The following PFKFB1 variants were observed in gnomAD, a reference collection of about 807,000 sequenced individuals.
The protein encoded by PFKFB1 is 6-phosphofructo-2-kinase/fructose-2,6-biphosphatase 1.
PFKFB1 carries 34 observed loss-of-function variants against 46.4 expected under a neutral mutation model. The observed-to-expected ratio is 0.73, with a 90% CI of 0.56 to 0.98. The LOEUF is 0.98. Ranked by LOEUF, PFKFB1 falls within the 50% of genes least tolerant of loss-of-function variation. The pLI, the probability that PFKFB1 is intolerant of heterozygous loss-of-function variation, is 0.00. For synonymous variants in PFKFB1, 119 were observed against 133.8 expected, an observed-to-expected ratio of 0.89 and a Z score of 0.76; for missense variants, 393 against 376.3, an observed-to-expected ratio of 1.04 and a Z score of -0.37.
At chrX:54,990,028 G>A (rs908411223) in intron 1 of PFKFB1, among the ~76,000 whole-genome samples, 9 of 111,422 alleles carry the variant, frequency 8.1e-5, no homozygotes, top group Admixed American at 4.8e-4. Context: ...TATCAGCCCT[G>A]TTTAGTAGGC....
At chrX:54,969,154 C>T (rs2146650425) in intron 1 of PFKFB1, among the ~76,000 whole-genome samples, 1 of 111,605 alleles carries the variant, frequency 9.0e-6, no homozygotes, top group South Asian at 3.8e-4. Flanking sequence ...TGTGTTGGAA[C>T]TTAATCTCCA....
At chrX:54,992,534 A>G (rs1026251099) in intron 1 of PFKFB1, among the ~76,000 whole-genome samples, 1 of 112,257 alleles carries the variant, frequency 8.9e-6, no homozygotes, top group African/African-American at 3.2e-5. Flanking sequence ...ATTACTCCCA[A>G]TAACACTGGG....
At chrX:54,989,654 TG>T (rs1445631587) in intron 1 of PFKFB1, among the ~76,000 whole-genome samples, 1 of 112,202 alleles carries the variant, frequency 8.9e-6, no homozygotes, top group Non-Finnish European at 1.9e-5. Flanking sequence ...TTTACCAGAT[TG>T]TCCATAAGTT....
chrX:54,949,715 T>C (rs1308406749), intron 8 of PFKFB1, among the ~76,000 whole-genome samples: 1 of 112,213 alleles, frequency 8.9e-6, no homozygotes, highest in East Asian at 2.8e-4. Flanking sequence ...AGCAACCCCT[T>C]GGTCGTGTGA....
intron 10 of PFKFB1, among the ~76,000 whole-genome samples, chrX:54,940,393 G>T (rs1434507550): frequency 9.0e-6 from 1 of 111,682 alleles, no homozygotes; most frequent in African/African-American, 3.3e-5. Flanking sequence ...TCTGGCCAGG[G>T]CAGTCAGGCA....
At chrX:54,949,413 A>G (rs1933899352) in intron 8 of PFKFB1, among the ~76,000 whole-genome samples, 192 bp from the exon 9 acceptor site, 1 of 93,890 alleles carries the variant, frequency 1.1e-5, no homozygotes, top group Non-Finnish European at 2.0e-5. Flanking sequence ...AGGGAATAGA[A>G]AAGAGCATGA....
chrX:54,963,912 T>C (rs1934395221), intron 1 of PFKFB1, among the ~76,000 whole-genome samples: 1 of 111,869 alleles, frequency 8.9e-6, no homozygotes, highest in Non-Finnish European at 1.9e-5. Flanking sequence ...ATATTCTCTA[T>C]GGAGCAAAAG....
chrX:54,963,630 C>T (rs1934387399), intron 1 of PFKFB1, among the ~76,000 whole-genome samples: 1 of 112,362 alleles, frequency 8.9e-6, no homozygotes, highest in Non-Finnish European at 1.9e-5. Flanking sequence ...GGTGCAGATA[C>T]CACTGAACAA....
At chrX:54,944,868 T>A (rs1389549769) in intron 10 of PFKFB1, among the ~76,000 whole-genome samples, 1 of 112,486 alleles carries the variant, frequency 8.9e-6, no homozygotes, top group Non-Finnish European at 1.9e-5. Flanking sequence ...TCTTTTCTAA[T>A]AACTTTTCCC....
intron 1 of PFKFB1, among the ~76,000 whole-genome samples, chrX:54,989,858 A>C (rs968996012): frequency 8.9e-6 from 1 of 111,966 alleles, no homozygotes; most frequent in Non-Finnish European, 1.9e-5. Context: ...GCTAGATGAT[A>C]ATCAGTAGGT....
At position 54,958,480 on chromosome X, in the gene PFKFB1, A is replaced by G. The variant is rs919914004; in HGVS notation, c.460-118T>C. The stretch of plus-strand genomic sequence containing the variant: ...TCTCCAGGGGCATCTCTGACAACAT[A>G]ATGCTCTCATACAGTGGTACTTCCA... On this transcript the variant is annotated intron_variant, in intron 5 of 13. Transcript: ENST00000375006. The G allele has an allele frequency of 6.2e-6, 3 of 481,063 alleles. No individual in the cohort carries two copies. In the African/African-American group the frequency reaches 7.1e-5, roughly 11 times the overall value. 39.6% of individuals were successfully genotyped at this position (481,063 alleles called of 1,213,427 possible). A position where few individuals can be genotyped will look rare whatever the true frequency, so the allele number is the denominator to read the frequency against.
chrX:54,971,689 T>A (rs1347477607), intron 1 of PFKFB1, among the ~76,000 whole-genome samples: 1 of 112,044 alleles, frequency 8.9e-6, no homozygotes. Flanking sequence ...TCTGTTCCAT[T>A]GATCTATATC....
At chrX:54,940,530 C>G (rs1442890977) in intron 10 of PFKFB1, among the ~76,000 whole-genome samples, 1 of 111,874 alleles carries the variant, frequency 8.9e-6, no homozygotes, top group East Asian at 2.8e-4. Context: ...AGCTGATAAG[C>G]AACTTCAGCA....
rs773091169 is a variant in PFKFB1 at position 54,954,959 on chromosome X, TTTCACTTACATCC to T, written c.638+1181_638+1193del. Among the ~76,000 whole-genome samples the T allele has an allele frequency of 1.2e-4, 13 of 112,359 alleles. 2 individuals are homozygous for T. The East Asian group carries it at 3.4e-3, about 29-fold the overall frequency. On this transcript the variant is annotated intron_variant, in intron 7 of 13. Coordinates refer to ENST00000375006, the MANE Select transcript of PFKFB1 (RefSeq NM_002625.4). ...GGCTGGGGCTTTGTCAATGCCGTTC[TTTCACTTACATCC>T]TTCACCCCGGCCTTCAGGCTCCTTT... is the stretch of plus-strand genomic sequence containing the variant.
At chrX:54,939,614 C>A (rs1933542291) in intron 10 of PFKFB1, among the ~76,000 whole-genome samples, 1 of 111,972 alleles carries the variant, frequency 8.9e-6, no homozygotes, top group Non-Finnish European at 1.9e-5. Flanking sequence ...AATATAAACA[C>A]CTCTACGCAA....
At chrX:54,966,723 C>G (rs1454006033) in intron 1 of PFKFB1, among the ~76,000 whole-genome samples, 1 of 111,265 alleles carries the variant, frequency 9.0e-6, no homozygotes, top group African/African-American at 3.3e-5. Flanking sequence ...CGTTCTCACT[C>G]TCCCTCTCCC....
chrX:54,945,723 T>TGTGC (rs755824583), intron 9 of PFKFB1, among the ~76,000 whole-genome samples, 180 bp from the exon 10 acceptor site: 3 of 99,296 alleles, frequency 3.0e-5, no homozygotes, highest in Admixed American at 1.1e-4. Flanking sequence ...TGTGTGTGCG[T>TGTGC]GTGTGTGTGT....
In PFKFB1 at chrX:54,984,802, T is replaced by C. The variant is rs938734631; in HGVS notation, c.97+9109A>G. On this transcript the variant is annotated intron_variant, in intron 1 of 13. Transcript: ENST00000375006. ...TTGCAGAGGCTAAATTCCTGGCAAG[T>C]GTGGTTAAGAGGTTGGAGGATCCCT... Among the ~76,000 whole-genome samples, 3 of 111,440 alleles carry C rather than the reference T, an allele frequency of 2.7e-5. No individual in the cohort carries two copies. In the East Asian group the frequency reaches 8.5e-4, roughly 32 times the overall value.
At chrX:54,955,788 G>A (rs1423064452) in intron 7 of PFKFB1, among the ~76,000 whole-genome samples, 1 of 112,057 alleles carries the variant, frequency 8.9e-6, no homozygotes, top group Non-Finnish European at 1.9e-5. Context: ...CTCCTTTACA[G>A]GAGTCCTAGA....
Sources: allele counts gnomAD v4.1 joint callset (sites outside exome capture counted in the v4.1 genomes callset), GRCh38; gene constraint gnomAD v4.1.1; transcripts MANE v1.5; gene names NCBI Gene and HGNC (gene_info 2026-07-23, HGNC 2026-07-21).